The following P3H3 variants were observed in gnomAD, a reference collection of about 807,000 sequenced individuals.
P3H3 encodes prolyl 3-hydroxylase 3.
In P3H3, 64 loss-of-function variants were observed where a neutral mutation model predicts 78.1. The ratio of observed to expected loss-of-function variants is 0.82; its 90% confidence interval spans 0.67 to 1.01. The LOEUF (loss-of-function observed/expected upper bound fraction) is 1.01, where lower values mean the gene tolerates loss of function less well. P3H3 is among the 50% of genes least tolerant of loss of function. The pLI, the probability that P3H3 is intolerant of heterozygous loss-of-function variation, is 0.00. For missense variants in P3H3, 975 were observed against 982.2 expected (o/e 0.99, Z 0.10); for synonymous variants, 425 against 416.7 (o/e 1.02, Z -0.24).
In P3H3 at chr12:6,839,598, G is replaced by T; in HGVS notation, c.*137G>T. The T allele has an allele frequency of 9.2e-7, 1 of 1,081,112 alleles. No homozygotes were observed. 67.0% of individuals were successfully genotyped at this position (1,081,112 alleles called of 1,614,324 possible). A position where few individuals can be genotyped will look rare whatever the true frequency, so the allele number is the denominator to read the frequency against. ...TCTGTCCCTGCACCCCCACCATCTT[G>T]GGGACCTACAAGGGCCTGGACTCAG... On this transcript the variant is annotated 3_prime_UTR_variant, in exon 15 of 15. Coordinates refer to ENST00000290510, the MANE Select transcript of P3H3 (RefSeq NM_014262.5).
chr12:6,839,423 A>G lies in P3H3; in HGVS notation c.2173A>G (p.Lys725Glu), dbSNP rs1373721061. ...PSRRHQRVQD[K>E]TGRAPRVREE... ...CCGCAGGCACCAGAGGGTCCAAGAC[A>G]AGACTGGAAGGGCACCTCGGGTTCG... is the stretch of plus-strand genomic sequence containing the variant. Residue 725 changes from lysine (K) to glutamate (E), a missense_variant, in exon 15 of 15, where the codon AAG becomes GAG. By Grantham distance (56) the Lys-to-Glu change is moderately conservative. Transcript: ENST00000290510. 6.4e-7 allele frequency: 1 copy of G among 1,551,844 alleles called. No individual in the cohort carries two copies. Among genetic ancestry groups the G allele is most frequent in the Non-Finnish European group, 8.7e-7 (1 of 1,147,058 alleles).
rs140119478 is a variant in P3H3, at chr12:6,835,390, C to G, written c.1458+1341C>G. 2.0e-3 allele frequency among the ~76,000 whole-genome samples: 297 copies of G among 152,114 alleles called. 1 individual carries two copies. The highest frequency in any genetic ancestry group is 6.8e-3 in the African/African-American group (281 of 41,466). On this transcript the variant is annotated intron_variant, in intron 9 of 14. Transcript: ENST00000290510. ...TTGAGGTCAGGAGTTCAAGACCAGC[C>G]TGGCCAACATGGTGAAACCCGGTCT...
At chr12:6,830,905 A>G in intron 4 of P3H3, 135 bp downstream of exon 4, 1 of 1,326,654 alleles carries the variant, frequency 7.5e-7, no homozygotes, top group Non-Finnish European at 1.1e-6. Context: ...CCATCACTTC[A>G]CAAGGACTCT....
intron 14 of P3H3, 44 bp from the exon 15 acceptor site, chr12:6,839,253 A>G (rs782728230): frequency 6.4e-7 from 1 of 1,558,398 alleles, no homozygotes; most frequent in Non-Finnish European, 8.7e-7. Flanking sequence ...GACCCAGGGA[A>G]GGTGGGTGCA....
chr12:6,831,918 A>T lies in P3H3; in HGVS notation c.1212+4A>T. Reference sequence around the variant, plus strand: ...GGGGACCAGCTTCAAGGATCCTGTGAGTCACTCCACTTCTGCCCATCTCAC... The same window carrying T: ...GGGGACCAGCTTCAAGGATCCTGTGTGTCACTCCACTTCTGCCCATCTCAC... On this transcript the variant is annotated splice_donor_region_variant and intron_variant, in intron 6 of 14. Transcript: ENST00000290510. This position sits in a 1 kb window ranked among gnomAD's most constrained non-coding sequence, Gnocchi z 4.6. The T allele has an allele frequency of 6.4e-7, 1 of 1,562,084 alleles. No homozygotes were observed. The highest frequency in any genetic ancestry group is 8.8e-7 in the Non-Finnish European group (1 of 1,136,978).
chr12:6,830,799 G>C, intron 4 of P3H3, 29 bp downstream of exon 4: 1 of 1,613,246 alleles, frequency 6.2e-7, no homozygotes, highest in African/African-American at 1.3e-5. Context: ...GAAACGGGGA[G>C]TGAAGATTTG....
In P3H3 at chr12:6,831,499, TCTCCA is replaced by T; in HGVS notation, c.1122+152_1122+156del. The T allele has an allele frequency of 8.6e-7, 1 of 1,159,416 alleles. No homozygotes were observed. The highest frequency in any genetic ancestry group is 2.6e-5 in the East Asian group (1 of 38,880). 71.8% of individuals were successfully genotyped at this position (1,159,416 alleles called of 1,614,324 possible). On this transcript the variant is annotated intron_variant, in intron 5 of 14. Transcript: ENST00000290510. This position sits in a 1 kb window ranked among gnomAD's most constrained non-coding sequence, Gnocchi z 4.6. Reference sequence around the variant, plus strand: ...CTCCAAGTCCAGCATCTGACTTCCGTCTCCACTCCCTGCTCCCCACGGCAGCCTGG... The same window carrying T: ...CTCCAAGTCCAGCATCTGACTTCCGTCTCCCTGCTCCCCACGGCAGCCTGG...
chr12:6,828,480 C>T lies in P3H3; in HGVS notation c.40C>T (p.Leu14=). Residue 14 remains leucine (L), a synonymous_variant, in exon 1 of 15, where the codon CTG becomes TTG. Coordinates refer to ENST00000290510, the MANE Select transcript of P3H3 (RefSeq NM_014262.5). ...LLRPLLLLLL[L]PPPGSPEPPG... ...CCGGCCGCTGCTGCTACTGCTGCTG[C>T]TGCCTCCCCCGGGGTCCCCTGAGCC... 7.8e-7 allele frequency: 1 copy of T among 1,287,154 alleles called. No individual in the cohort carries two copies. Among genetic ancestry groups the T allele is most frequent in the Non-Finnish European group, 1.0e-6 (1 of 960,140 alleles). 79.7% of individuals were successfully genotyped at this position (1,287,154 alleles called of 1,614,324 possible).
chr12:6,834,193 T>A (rs1943475304), intron 9 of P3H3, 144 bp downstream of exon 9: 1 of 1,264,634 alleles, frequency 7.9e-7, no homozygotes, highest in African/African-American at 1.5e-5. Flanking sequence ...CAGCTGTGGA[T>A]AAGTTCCGTC....
In P3H3 at chr12:6,829,835, G is replaced by T; in HGVS notation, c.499-24G>T. 1.2e-6 allele frequency: 2 copies of T among 1,613,592 alleles called. No homozygotes were observed. The highest frequency in any genetic ancestry group is 1.7e-6 in the Non-Finnish European group (2 of 1,179,784). ...CTGCCCCCCGTCCCAGGGCTCTGAT[G>T]CCCTCCTCCCTTCGCCTCCTCAGTT... is the stretch of plus-strand genomic sequence containing the variant. On this transcript the variant is annotated intron_variant, in intron 1 of 14. Transcript: ENST00000290510. The surrounding 1 kb of genome is among the most constrained non-coding windows in gnomAD (Gnocchi z 5.1).
At position 6,831,742 on chromosome 12, in the gene P3H3, T is replaced by C; in HGVS notation, c.1123-83T>C. On this transcript the variant is annotated intron_variant, in intron 5 of 14. Coordinates refer to ENST00000290510, the MANE Select transcript of P3H3 (RefSeq NM_014262.5). The surrounding 1 kb of genome is among the most constrained non-coding windows in gnomAD (Gnocchi z 4.6). ...GGCATGGTGCCAGGTTCAAGGAGCA[T>C]GGAGCACCCAGGCAGTGCCCTAGAG... The C allele has an allele frequency of 2.4e-6, 2 of 850,152 alleles. No individual in the cohort carries two copies. Among genetic ancestry groups the C allele is most frequent in the East Asian group, 5.3e-5 (2 of 37,982 alleles). 52.7% of individuals were successfully genotyped at this position (850,152 alleles called of 1,614,324 possible). A position where few individuals can be genotyped will look rare whatever the true frequency, so the allele number is the denominator to read the frequency against.
intron 10 of P3H3, 89 bp downstream of exon 10, chr12:6,837,175 G>A (rs1284839559): frequency 7.5e-6 from 9 of 1,204,032 alleles, no homozygotes; most frequent in Non-Finnish European, 9.4e-6. Context: ...CTGGGCTTTT[G>A]TGAAGGAGCT....
intron 6 of P3H3, 38 bp from the exon 7 acceptor site, chr12:6,833,554 A>G (rs370224067): frequency 6.9e-5 from 110 of 1,602,478 alleles, no homozygotes; most frequent in Non-Finnish European, 9.0e-5. Context: ...CCAGGGGCTG[A>G]CCTTGGTGGG....
chr12:6,830,940 G>C, intron 4 of P3H3, 170 bp downstream of exon 4: 1 of 990,062 alleles, frequency 1.0e-6, no homozygotes, highest in African/African-American at 1.6e-5. Context: ...TGGCGCCTGT[G>C]ACAAGCTCAG....
chr12:6,828,764 G>T lies in P3H3; in HGVS notation c.324G>T (p.Gly108=), dbSNP rs1028343345. 3.2e-6 allele frequency: 4 copies of T among 1,243,160 alleles called. No individual in the cohort carries two copies. The highest frequency in any genetic ancestry group is 3.0e-4 in the Middle Eastern group (1 of 3,304). 77.0% of individuals were successfully genotyped at this position (1,243,160 alleles called of 1,614,324 possible). ...EPDSGPGPTQ[G]SWERQLLRAA... ...ACTCCGGGCCGGGACCCACGCAGGG[G>T]TCCTGGGAGCGACAGCTTCTCCGTG... Residue 108 remains glycine, a synonymous_variant, in exon 1 of 15, where the codon GGG becomes GGT. Coordinates refer to ENST00000290510, the MANE Select transcript of P3H3 (RefSeq NM_014262.5).
intron 9 of P3H3, among the ~76,000 whole-genome samples, chr12:6,835,898 T>A (rs1206117447): frequency 6.6e-6 from 1 of 152,044 alleles, no homozygotes; most frequent in Non-Finnish European, 1.5e-5. Flanking sequence ...TAGAATGCAG[T>A]GGGAGAAAGA....
rs1370169177 is a variant in P3H3 at position 6,837,489 on chromosome 12, C to A, written c.1627C>A (p.Arg543=). 1 of 1,611,218 alleles carries A rather than the reference C, an allele frequency of 6.2e-7. No individual in the cohort carries two copies. The highest frequency in any genetic ancestry group is 1.1e-5 in the South Asian group (1 of 90,406). ...GCTTCTGGAGGTGAGCGAGCGGGTGCGGACCTTGACCCAGGCCTACTTCTC... is the reference window on the plus strand; with the variant it reads ...GCTTCTGGAGGTGAGCGAGCGGGTGAGGACCTTGACCCAGGCCTACTTCTC... ...KLLLEVSERV[R]TLTQAYFSPE... The change falls in exon 11 of 15, where the codon CGG becomes AGG. Residue 543 remains arginine, a synonymous_variant. Coordinates refer to ENST00000290510, the MANE Select transcript of P3H3 (RefSeq NM_014262.5).
chr12:6,837,221 TG>T, intron 10 of P3H3, 135 bp downstream of exon 10: 1 of 992,688 alleles, frequency 1.0e-6, no homozygotes, highest in Non-Finnish European at 1.5e-6. Context: ...GGACCCAGCG[TG>T]GAGAAAAGGG....
chr12:6,834,761 C>G (rs1181461295), intron 9 of P3H3: 1 of 151,880 alleles, frequency 6.6e-6, no homozygotes, highest in Non-Finnish European at 1.5e-5. Context: ...CATGGAGAAA[C>G]CCTGTCTCTA....
Sources: gnomAD v4.1 joint callset for allele counts (sites outside exome capture counted in the v4.1 genomes callset) on GRCh38, gnomAD v4.1.1 for gene constraint, Gnocchi (gnomAD v3.1) non-coding constraint, MANE v1.5 for transcripts, NCBI Gene and HGNC (gene_info 2026-07-23, HGNC 2026-07-21) for gene names.